Variants in SYNPR observed in about 807,000 individuals in gnomAD.
The protein encoded by SYNPR is synaptoporin.
A neutral mutation model predicts 32.9 loss-of-function variants in SYNPR; 23 were observed. The ratio of observed to expected loss-of-function variants is 0.70; its 90% CI spans 0.50 to 0.99. The LOEUF (loss-of-function observed/expected upper bound fraction) is 0.99. Among genes scored for constraint, SYNPR ranks in the 50% least tolerant of loss-of-function variants. SYNPR has a pLI of 0.00. For synonymous variants in SYNPR, 146 were observed against 135.9 expected (o/e 1.07, Z -0.52); for missense variants, 318 against 349.3 (o/e 0.91, Z 0.71).
chr3:63,201,285 CA>C, the SYNPR span, among the ~76,000 whole-genome samples: 1 of 152,132 alleles, frequency 6.6e-6, no homozygotes. Context: ...TGTTCACCAG[CA>C]AAGGCATCAT....
intron 1 of SYNPR, among the ~76,000 whole-genome samples, chr3:63,250,439 C>T (rs766194633): frequency 3.7e-4 from 56 of 152,222 alleles, no homozygotes; most frequent in Middle Eastern, 3.4e-3. Context: ...TTCTGAAGTG[C>T]CTGCTATATA....
intron 4 of SYNPR, among the ~76,000 whole-genome samples, chr3:63,578,050 C>G (rs1273619366): frequency 6.6e-6 from 1 of 152,132 alleles, no homozygotes; most frequent in Non-Finnish European, 1.5e-5. Context: ...TTCACATGCA[C>G]TATGTCATTT....
chr3:63,343,020 C>G (rs1039581729), intron 2 of SYNPR, among the ~76,000 whole-genome samples: 1 of 152,056 alleles, frequency 6.6e-6, no homozygotes, highest in Non-Finnish European at 1.5e-5. Context: ...GATATGTGAG[C>G]TAAGGCCTGA....
intron 2 of SYNPR, among the ~76,000 whole-genome samples, chr3:63,447,974 G>C (rs907937686): frequency 8.8e-5 from 13 of 147,040 alleles, no homozygotes; most frequent in Non-Finnish European, 1.2e-4. Flanking sequence ...TTCCCCAGGG[G>C]ACTTATTTAG....
intron 3 of SYNPR, among the ~76,000 whole-genome samples, chr3:63,515,630 G>A (rs1262268030): frequency 1.3e-5 from 2 of 152,068 alleles, no homozygotes; most frequent in Non-Finnish European, 2.9e-5. Context: ...TGAGAAAAAA[G>A]AACAGGGAAG....
upstream of SYNPR, among the ~76,000 whole-genome samples, chr3:63,273,604 C>G (rs1026934699): frequency 1.3e-4 from 20 of 152,086 alleles, no homozygotes; most frequent in African/African-American, 4.6e-4. Context: ...TTACAAAAAT[C>G]TATTTCATTT....
chr3:63,365,763 G>A (rs886842750), intron 2 of SYNPR, among the ~76,000 whole-genome samples: 2 of 152,156 alleles, frequency 1.3e-5, no homozygotes, highest in Non-Finnish European at 2.9e-5. Flanking sequence ...CGATATATAC[G>A]TATGTGCACG....
chr3:63,224,208 T>A (rs1463110559), upstream of SYNPR, among the ~76,000 whole-genome samples: 2 of 152,164 alleles, frequency 1.3e-5, no homozygotes, highest in Non-Finnish European at 2.9e-5. Context: ...TTGCCTCCTG[T>A]CAGATCAGCT....
At chr3:63,475,995 T>C (rs1400303485) in intron 2 of SYNPR, among the ~76,000 whole-genome samples, 4 of 150,342 alleles carry the variant, frequency 2.7e-5, no homozygotes, top group Non-Finnish European at 5.9e-5. Context: ...TCCTTCTAAA[T>C]TCTTCCACCC....
chr3:63,240,957 T>C lies in SYNPR; in HGVS notation n.67-11542T>C, dbSNP rs80023429. ...ATGCATGCATCTTTTGACAGCGCCA[T>C]GGAACATCAGAAAGACCAAGTTCTA... On this transcript the variant is annotated intron_variant and non_coding_transcript_variant, in intron 1 of 4. Coordinates refer to the SYNPR transcript ENST00000478456. Among the ~76,000 whole-genome samples, 5 of 152,162 alleles carry C rather than the reference T, an allele frequency of 3.3e-5. No individual in the cohort carries two copies. In the East Asian group the frequency reaches 9.7e-4, roughly 30 times the overall value.
intron 2 of SYNPR, among the ~76,000 whole-genome samples, chr3:63,307,198 C>T (rs1286065345): frequency 6.6e-6 from 1 of 151,732 alleles, no homozygotes; most frequent in Non-Finnish European, 1.5e-5. Context: ...AAATAGAGAC[C>T]CAGAGGGTAA....
At chr3:63,580,769 C>T (rs1207679302) in intron 4 of SYNPR, among the ~76,000 whole-genome samples, 3 of 152,154 alleles carry the variant, frequency 2.0e-5, no homozygotes, top group Admixed American at 6.5e-5. Context: ...TCTCCTTATA[C>T]AGTTCTGGCA....
At chr3:63,286,893 C>T (rs932961228) in intron 2 of SYNPR, among the ~76,000 whole-genome samples, 1 of 152,124 alleles carries the variant, frequency 6.6e-6, no homozygotes, top group Admixed American at 6.5e-5. Flanking sequence ...ATAATTGTGA[C>T]CATGATGATG....
At chr3:63,512,983 T>G (rs370964413) in intron 3 of SYNPR, among the ~76,000 whole-genome samples, 7 of 151,996 alleles carry the variant, frequency 4.6e-5, no homozygotes, top group Non-Finnish European at 7.4e-5. Flanking sequence ...GTTAGCACAA[T>G]AGGATACCAC....
intron 2 of SYNPR, among the ~76,000 whole-genome samples, chr3:63,468,460 A>G (rs1040093897): frequency 1.3e-5 from 2 of 151,000 alleles, no homozygotes; most frequent in African/African-American, 4.9e-5. Flanking sequence ...GTAGCTGGTA[A>G]GCTCTGGATT....
intron 4 of SYNPR, among the ~76,000 whole-genome samples, chr3:63,578,395 G>T (rs914304746): frequency 6.6e-6 from 1 of 152,162 alleles, no homozygotes; most frequent in Non-Finnish European, 1.5e-5. Flanking sequence ...TGTAAGGAGA[G>T]AGTGAGTTAG....
chr3:63,495,656 G>A (rs1040685667), intron 3 of SYNPR, among the ~76,000 whole-genome samples: 1 of 152,070 alleles, frequency 6.6e-6, no homozygotes, highest in Non-Finnish European at 1.5e-5. Context: ...ATTTTCTGTT[G>A]TTTATAACCA....
intron 3 of SYNPR, among the ~76,000 whole-genome samples, chr3:63,267,749 T>C (rs1359713241): frequency 6.6e-6 from 1 of 152,204 alleles, no homozygotes; most frequent in African/African-American, 2.4e-5. Context: ...ATGTTGATTA[T>C]TATATAGGAC....
chr3:63,601,784 A>T (rs1380576741), intron 4 of SYNPR, among the ~76,000 whole-genome samples: 1 of 152,200 alleles, frequency 6.6e-6, no homozygotes, highest in Non-Finnish European at 1.5e-5. Flanking sequence ...ATAGTGTGGC[A>T]GTAAACATAC....
Sources: allele counts gnomAD v4.1 joint callset (sites outside exome capture counted in the v4.1 genomes callset), GRCh38; gene constraint gnomAD v4.1.1; transcripts MANE v1.5; gene names NCBI Gene and HGNC (gene_info 2026-07-23, HGNC 2026-07-21).